MAGT1: variants seen among roughly 807,000 people sequenced by gnomAD.
MAGT1 encodes dolichyl-diphosphooligosaccharide--protein glycosyltransferase subunit MAGT1.
Under a neutral mutation model 28.4 loss-of-function variants are expected in MAGT1, and 4 were observed. That is an observed-to-expected ratio of 0.14 (90% CI 0.07 to 0.32). The LOEUF (loss-of-function observed/expected upper bound fraction) is 0.32. Ranked by LOEUF, MAGT1 falls within the 10% of genes least tolerant of loss-of-function variation. MAGT1 has a pLI of 1.00. For synonymous variants in MAGT1, 89 were observed against 89.7 expected (o/e 0.99, Z 0.04); for missense variants, 193 against 264.5 (o/e 0.73, Z 1.88).
chrX:77,858,431 TC>T (rs1207711820), intron 3 of MAGT1, among the ~76,000 whole-genome samples: 1 of 110,900 alleles, frequency 9.0e-6, no homozygotes, highest in Non-Finnish European at 1.9e-5. Flanking sequence ...CTGCAAATGA[TC>T]CCCCCGCCTC....
chrX:77,881,438 C>T (rs1269082933), intron 1 of MAGT1, among the ~76,000 whole-genome samples: 4 of 88,797 alleles, frequency 4.5e-5, no homozygotes, highest in Non-Finnish European at 6.6e-5. Context: ...CAACAGGCCC[C>T]GGTGTGTGAT....
chrX:77,868,430 A>G (rs2077012664), intron 3 of MAGT1: 2 of 115,864 alleles, frequency 1.7e-5, no homozygotes, highest in Admixed American at 9.6e-5. Flanking sequence ...TGAGGTCAGG[A>G]GTTTGAGACC....
chrX:77,875,817 T>TATGA (rs1335691796), intron 1 of MAGT1, among the ~76,000 whole-genome samples: 12 of 110,075 alleles, frequency 1.1e-4, no homozygotes, highest in East Asian at 2.8e-4. Flanking sequence ...TGTAATTAAT[T>TATGA]ATGAATGAAT....
At chrX:77,865,524 A>G (rs1346586595) in intron 3 of MAGT1, among the ~76,000 whole-genome samples, 1 of 107,879 alleles carries the variant, frequency 9.3e-6, no homozygotes, top group Non-Finnish European at 1.9e-5. Flanking sequence ...CGATATCCTG[A>G]CCTCGTGATC....
intron 1 of MAGT1, among the ~76,000 whole-genome samples, chrX:77,881,139 A>G (rs782613174): frequency 9.0e-6 from 1 of 111,036 alleles, no homozygotes; most frequent in African/African-American, 3.3e-5. Flanking sequence ...TTTCCAACAA[A>G]ATGAATTGCT....
chrX:77,889,041 C>A (rs1557219216), intron 1 of MAGT1, among the ~76,000 whole-genome samples: 2 of 108,102 alleles, frequency 1.9e-5, no homozygotes, highest in African/African-American at 6.7e-5. Context: ...AATGGTACAT[C>A]TTGGCTCACT....
At chrX:77,833,441 T>C (rs1569547796) in intron 8 of MAGT1, among the ~76,000 whole-genome samples, 1 of 112,065 alleles carries the variant, frequency 8.9e-6, no homozygotes, top group East Asian at 2.8e-4. Context: ...GTTTCCAAAG[T>C]TGATATACTA....
intron 2 of MAGT1, among the ~76,000 whole-genome samples, chrX:77,872,795 TA>T: frequency 8.9e-6 from 1 of 112,426 alleles, no homozygotes; most frequent in East Asian, 2.8e-4. Flanking sequence ...TATTGCCATC[TA>T]AATTTTCATA....
In MAGT1 at chrX:77,829,164, C is replaced by T. The variant is rs953058254; in HGVS notation, c.*56G>A. 8 of 1,037,239 alleles carry T rather than the reference C, an allele frequency of 7.7e-6. No homozygotes were observed. The highest frequency in any genetic ancestry group is 5.8e-5 in the South Asian group (3 of 51,727). The allele number at this position is 1,037,239 out of a possible 1,213,427, so 85.5% of individuals were successfully genotyped here. On this transcript the variant is annotated 3_prime_UTR_variant, in exon 10 of 10. Transcript: ENST00000618282. ...TTGCATTCTTCTTTTCAAACACACACGATTTTCGTTTTTCAATTTCCAGTA... is the reference window on the plus strand; with the variant it reads ...TTGCATTCTTCTTTTCAAACACACATGATTTTCGTTTTTCAATTTCCAGTA...
At position 77,828,821 on chromosome X, in the gene MAGT1, G is replaced by C. The variant is rs904427805; in HGVS notation, c.*399C>G. ...AGTTATCTGTAACAGGCATATGTGG[G>C]AACACCTGGTCAGGACTTACTTTCC... On this transcript the variant is annotated 3_prime_UTR_variant, in exon 10 of 10. Coordinates refer to ENST00000618282, the MANE Select transcript of MAGT1 (RefSeq NM_001367916.1). 3 of 137,354 alleles carry C rather than the reference G, an allele frequency of 2.2e-5. No homozygotes were observed. Among genetic ancestry groups the C allele is most frequent in the African/African-American group, 6.4e-5 (2 of 31,420 alleles). The allele number at this position is 137,354 out of a possible 1,213,427, so 11.3% of individuals were successfully genotyped here.
rs781923927 is a variant in MAGT1 at position 77,827,444 on chromosome X, CT to C, written c.*1775del. On this transcript the variant is annotated 3_prime_UTR_variant, in exon 10 of 10. Coordinates refer to ENST00000618282, the MANE Select transcript of MAGT1 (RefSeq NM_001367916.1). Reference sequence around the variant, plus strand: ...TCTAAGGGAGTCCTTTTCTTTCTTACTTTTTTTTTTTTTTTTGAGATGGAGT... The same window carrying C: ...TCTAAGGGAGTCCTTTTCTTTCTTACTTTTTTTTTTTTTTTGAGATGGAGT... 311 of 98,135 alleles carry C rather than the reference CT, an allele frequency of 3.2e-3. No individual in the cohort carries two copies. The highest frequency in any genetic ancestry group is 4.5e-3 in the Non-Finnish European group (216 of 48,020). 8.1% of individuals were successfully genotyped at this position (98,135 alleles called of 1,213,427 possible).
intron 9 of MAGT1, 66 bp downstream of exon 9, chrX:77,830,739 G>T: frequency 1.8e-6 from 1 of 557,567 alleles, no homozygotes; most frequent in Non-Finnish European, 2.8e-6. Flanking sequence ...ATATTATAAA[G>T]CAATATCAAC....
At chrX:77,867,026 C>G (rs939786366) in intron 3 of MAGT1, among the ~76,000 whole-genome samples, 3 of 66,075 alleles carry the variant, frequency 4.5e-5, no homozygotes, top group Admixed American at 2.1e-4. Context: ...GGCTTCCCCC[C>G]ACCCACGAAG....
chrX:77,843,693 TA>T (rs782468667), intron 7 of MAGT1, among the ~76,000 whole-genome samples: 2 of 111,882 alleles, frequency 1.8e-5, no homozygotes, highest in Non-Finnish European at 3.8e-5. Context: ...TTAAAATTTT[TA>T]TTTATTATAC....
chrX:77,835,122 A>AT (rs1345279800), intron 8 of MAGT1, among the ~76,000 whole-genome samples: 1 of 107,748 alleles, frequency 9.3e-6, no homozygotes, highest in African/African-American at 3.4e-5. Context: ...TGCCCAGCTA[A>AT]TTTTTTTGTA....
chrX:77,882,735 GGAGT>G (rs1466008150), intron 1 of MAGT1, among the ~76,000 whole-genome samples: 2 of 109,704 alleles, frequency 1.8e-5, no homozygotes, highest in Non-Finnish European at 3.8e-5. Flanking sequence ...GGGAGGCTGA[GGAGT>G]GAGGACTGCT....
chrX:77,858,407 T>A (rs1603361906), intron 3 of MAGT1, among the ~76,000 whole-genome samples: 1 of 110,906 alleles, frequency 9.0e-6, no homozygotes, highest in Non-Finnish European at 1.9e-5. Flanking sequence ...GCCAGGCTGG[T>A]CTTGAACTCC....
At chrX:77,834,289 C>CAT (rs200078269) in intron 8 of MAGT1, among the ~76,000 whole-genome samples, 150 of 93,322 alleles carry the variant, frequency 1.6e-3, no homozygotes, top group South Asian at 0.013. Flanking sequence ...TATATATATG[C>CAT]ATATATATAT....
intron 7 of MAGT1, among the ~76,000 whole-genome samples, chrX:77,842,709 C>T (rs1334229576): frequency 9.1e-6 from 1 of 110,396 alleles, no homozygotes; most frequent in Non-Finnish European, 1.9e-5. Flanking sequence ...CGCCTGTAAT[C>T]GCAGCTACTT....
Sources: allele counts gnomAD v4.1 joint callset (sites outside exome capture counted in the v4.1 genomes callset), GRCh38; gene constraint gnomAD v4.1.1; transcripts MANE v1.5; gene names NCBI Gene and HGNC (gene_info 2026-07-23, HGNC 2026-07-21).